RHBDD1: variants seen among roughly 807,000 people sequenced by gnomAD.
RHBDD1 encodes the protein rhomboid-related protein 4.
In RHBDD1, 38 loss-of-function variants were observed where a neutral mutation model predicts 36.3. The observed-to-expected ratio is 1.05, with a 90% CI of 0.81 to 1.37. The LOEUF is 1.37. Ranked by LOEUF, RHBDD1 falls within the 40% of genes most tolerant of loss-of-function variation. The pLI is 0.00. For missense variants in RHBDD1, 393 were observed against 377.6 expected (o/e 1.04, Z -0.34); for synonymous variants, 151 against 136.5 (o/e 1.11, Z -0.74).
intron 8 of RHBDD1, 45 bp from the exon 9 acceptor site, chr2:226,995,386 G>A: frequency 7.9e-7 from 1 of 1,262,494 alleles, no homozygotes; most frequent in Non-Finnish European, 1.2e-6. Flanking sequence ...CACATGCCTT[G>A]TCACGTCAGA....
chr2:226,815,090 T>C, the RHBDD1 span, among the ~76,000 whole-genome samples: 405 of 152,328 alleles, frequency 2.7e-3, 1 homozygote, highest in African/African-American at 8.7e-3. Context: ...CTGTTTCTAT[T>C]CCATAGTGGA....
At chr2:226,953,313 TAAG>T (rs1951561523) in intron 8 of RHBDD1, among the ~76,000 whole-genome samples, 2 of 152,230 alleles carry the variant, frequency 1.3e-5, no homozygotes, top group Non-Finnish European at 2.9e-5. Flanking sequence ...TTGTGCCATT[TAAG>T]GAGAGCTCAG....
In RHBDD1 at chr2:226,947,808, A is replaced by G. The variant is rs372494767; in HGVS notation, c.856+33457A>G. The stretch of plus-strand genomic sequence containing the variant: ...GGACATTTATGCAGCCAAAAAACAC[A>G]TGAAAAAATGCTCATCATCACTGGC... On this transcript the variant is annotated intron_variant, in intron 8 of 8. Transcript: ENST00000392062. Among the ~76,000 whole-genome samples, 4 of 152,350 alleles carry G rather than the reference A, an allele frequency of 2.6e-5. No homozygotes were observed. In the South Asian group the frequency reaches 6.2e-4, roughly 24 times the overall value.
chr2:226,892,523 A>G (rs1946769041), intron 5 of RHBDD1, among the ~76,000 whole-genome samples: 1 of 152,206 alleles, frequency 6.6e-6, no homozygotes, highest in Non-Finnish European at 1.5e-5. Flanking sequence ...TATAAGTACA[A>G]AGAACTTGTG....
At chr2:226,872,690 A>T (rs190975330) in intron 5 of RHBDD1, among the ~76,000 whole-genome samples, 11 of 152,244 alleles carry the variant, frequency 7.2e-5, no homozygotes, top group Non-Finnish European at 1.2e-4. Context: ...TTCTTCATTG[A>T]TCTACTTTGT....
intron 8 of RHBDD1, among the ~76,000 whole-genome samples, chr2:226,941,891 C>T (rs944082861): frequency 2.6e-5 from 4 of 152,150 alleles, no homozygotes; most frequent in Non-Finnish European, 5.9e-5. Context: ...AGAAGATTCA[C>T]TTACCCACGC....
chr2:226,845,421 C>G (rs1315604522), intron 3 of RHBDD1, among the ~76,000 whole-genome samples: 2 of 152,168 alleles, frequency 1.3e-5, no homozygotes, highest in African/African-American at 4.8e-5. Flanking sequence ...GTTAACTTTC[C>G]TAAGAGCACG....
At chr2:226,957,258 A>G (rs1020890081) in intron 8 of RHBDD1, among the ~76,000 whole-genome samples, 1 of 152,250 alleles carries the variant, frequency 6.6e-6, no homozygotes, top group African/African-American at 2.4e-5. Context: ...GAACCAGCTC[A>G]GTAATCTAAA....
chr2:226,851,283 G>A (rs1400897407), intron 3 of RHBDD1, among the ~76,000 whole-genome samples: 4 of 151,736 alleles, frequency 2.6e-5, no homozygotes, highest in African/African-American at 9.7e-5. Flanking sequence ...GTATGTGTGG[G>A]TTCTAAACAC....
chr2:226,857,044 G>A (rs1378762409), intron 3 of RHBDD1, among the ~76,000 whole-genome samples: 2 of 151,944 alleles, frequency 1.3e-5, no homozygotes, highest in African/African-American at 4.8e-5. Flanking sequence ...TTTTTCTGAA[G>A]ATTTCTCTTG....
At chr2:226,831,411 T>C (rs1229354563), upstream of RHBDD1, among the ~76,000 whole-genome samples, 3 of 152,200 alleles carry the variant, frequency 2.0e-5, no homozygotes, top group African/African-American at 4.8e-5. Flanking sequence ...ATGTAATTCA[T>C]TAAGATGAGG....
At chr2:226,881,541 C>T (rs1945739040) in intron 5 of RHBDD1, among the ~76,000 whole-genome samples, 2 of 152,204 alleles carry the variant, frequency 1.3e-5, no homozygotes, top group Admixed American at 1.3e-4. Flanking sequence ...GTGAGGTTAT[C>T]TGTCAGAGCA....
intron 8 of RHBDD1, among the ~76,000 whole-genome samples, chr2:226,915,416 G>C (rs1371218380): frequency 1.3e-5 from 2 of 152,122 alleles, no homozygotes; most frequent in Non-Finnish European, 2.9e-5. Context: ...CGGATCGCAG[G>C]GGTCCTAGAA....
intron 5 of RHBDD1, among the ~76,000 whole-genome samples, chr2:226,890,716 C>A (rs1324628058): frequency 1.3e-5 from 2 of 152,096 alleles, no homozygotes; most frequent in Non-Finnish European, 2.9e-5. Context: ...ATGAATGATA[C>A]CCCATTTACC....
chr2:226,849,108 G>C (rs542243234), intron 3 of RHBDD1, among the ~76,000 whole-genome samples: 20 of 152,298 alleles, frequency 1.3e-4, no homozygotes, highest in African/African-American at 4.8e-4. Context: ...CATTTAGTTT[G>C]TATAAGAACT....
intron 8 of RHBDD1, among the ~76,000 whole-genome samples, chr2:226,930,663 CTG>C (rs1949974601): frequency 1.3e-5 from 2 of 151,982 alleles, no homozygotes; most frequent in African/African-American, 4.8e-5. Context: ...AATTAAGTTT[CTG>C]CATGGCAAAA....
At chr2:226,933,489 G>C (rs1359875681) in intron 8 of RHBDD1, among the ~76,000 whole-genome samples, 1 of 152,034 alleles carries the variant, frequency 6.6e-6, no homozygotes, top group African/African-American at 2.4e-5. Flanking sequence ...GGGTTCCCTT[G>C]CTGGCTTACA....
chr2:226,930,198 C>T (rs920252359), intron 8 of RHBDD1, among the ~76,000 whole-genome samples: 6 of 151,840 alleles, frequency 4.0e-5, no homozygotes, highest in African/African-American at 7.3e-5. Flanking sequence ...GCCTGAATGC[C>T]AAAGCAGTCC....
At chr2:226,831,658 C>T (rs979200067), upstream of RHBDD1, among the ~76,000 whole-genome samples, 6 of 151,998 alleles carry the variant, frequency 3.9e-5, no homozygotes, top group African/African-American at 1.2e-4. Flanking sequence ...GTCTCTAGAA[C>T]ATGAGATAAT....
Sources: allele counts gnomAD v4.1 joint callset (sites outside exome capture counted in the v4.1 genomes callset), GRCh38; gene constraint gnomAD v4.1.1; transcripts MANE v1.5; gene names NCBI Gene and HGNC (gene_info 2026-07-23, HGNC 2026-07-21).